The following RAB3C variants were observed in gnomAD, a reference collection of about 807,000 sequenced individuals.
The protein encoded by RAB3C is ras-related protein Rab-3C.
A neutral mutation model predicts 26.4 loss-of-function variants in RAB3C; 17 were observed. The observed-to-expected ratio is 0.64, with a 90% CI of 0.44 to 0.97. RAB3C has a LOEUF of 0.97. Among genes scored for constraint, RAB3C ranks in the 50% least tolerant of loss-of-function variants. RAB3C has a pLI of 0.00. For missense variants in RAB3C, 242 were observed against 281.9 expected, an observed-to-expected ratio of 0.86 and a Z score of 1.01; for synonymous variants, 91 against 95.9, an observed-to-expected ratio of 0.95 and a Z score of 0.30.
intron 2 of RAB3C, among the ~76,000 whole-genome samples, chr5:58,693,353 T>TATATATATATATATATATATATACAC (rs911414778): frequency 4.2e-5 from 6 of 142,266 alleles, no homozygotes; most frequent in African/African-American, 1.6e-4. Flanking sequence ...TATATATATA[T>TATATATATATATATATATATATACAC]ATATATATAA....
intron 2 of RAB3C, among the ~76,000 whole-genome samples, chr5:58,641,111 G>T (rs546030382): frequency 6.6e-6 from 1 of 152,258 alleles, no homozygotes; most frequent in African/African-American, 2.4e-5. Context: ...AATAAGATCT[G>T]GTGTGCTCTG....
intron 1 of RAB3C, among the ~76,000 whole-genome samples, chr5:58,611,786 T>G (rs572413234): frequency 1.3e-5 from 2 of 152,320 alleles, no homozygotes; most frequent in East Asian, 3.9e-4. Flanking sequence ...TTTTGGCATC[T>G]TTTGTCATGA....
chr5:58,583,014 C>T, upstream of RAB3C: 2 of 1,416,236 alleles, frequency 1.4e-6, no homozygotes, highest in African/African-American at 1.4e-5. Flanking sequence ...GACTACAGCT[C>T]CCAGGAGTGC....
chr5:58,813,305 G>A (rs1382661765), intron 3 of RAB3C, among the ~76,000 whole-genome samples: 1 of 152,060 alleles, frequency 6.6e-6, no homozygotes, highest in Non-Finnish European at 1.5e-5. Context: ...TCCCACTAGA[G>A]TGACCAATAT....
chr5:58,823,869 C>T (rs1242100990), intron 3 of RAB3C, among the ~76,000 whole-genome samples: 1 of 114,700 alleles, frequency 8.7e-6, no homozygotes, highest in Non-Finnish European at 1.7e-5. Context: ...AATGCTATCC[C>T]TCCCCCACCC....
rs533953442 is a variant in RAB3C at position 58,830,007 on chromosome 5, T to C, written c.496+4845T>C. 8.2e-4 allele frequency among the ~76,000 whole-genome samples: 125 copies of C among 152,194 alleles called. 1 individual carries two copies. The highest frequency in any genetic ancestry group is 2.7e-3 in the African/African-American group (114 of 41,520). ...TGTGTTTCAGAAATAGACTCAAATA[T>C]TATGAACACGTAAACAGGGCTGAGT... On this transcript the variant is annotated intron_variant, in intron 4 of 4. Transcript: ENST00000282878.
At chr5:58,629,901 G>C (rs1747155647) in intron 2 of RAB3C, among the ~76,000 whole-genome samples, 1 of 152,200 alleles carries the variant, frequency 6.6e-6, no homozygotes, top group Non-Finnish European at 1.5e-5. Context: ...GAGCAGTGTG[G>C]CTTCCCGCAA....
At chr5:58,816,939 TTGG>T (rs1464146278) in intron 3 of RAB3C, 43 of 152,348 alleles carry the variant, frequency 2.8e-4, no homozygotes, top group Admixed American at 2.8e-3. Flanking sequence ...GCTGGGTTCC[TTGG>T]GGCATCTCAT....
chr5:58,823,068 G>T, intron 3 of RAB3C: 1 of 534,472 alleles, frequency 1.9e-6, no homozygotes, highest in East Asian at 4.4e-5. Flanking sequence ...GATTCTGAAA[G>T]CAAGGAATTT....
chr5:58,590,359 A>G (rs2111655624), intron 1 of RAB3C, among the ~76,000 whole-genome samples: 1 of 152,172 alleles, frequency 6.6e-6, no homozygotes, highest in Admixed American at 6.5e-5. Flanking sequence ...CTCTCATGCC[A>G]GTCTTACTAA....
At chr5:58,746,338 C>G (rs1269804143) in intron 3 of RAB3C, among the ~76,000 whole-genome samples, 3 of 152,148 alleles carry the variant, frequency 2.0e-5, no homozygotes, top group African/African-American at 4.8e-5. Context: ...TTCCAAAGAG[C>G]TCTACCAGTA....
chr5:58,640,073 C>T (rs577263963), intron 2 of RAB3C, among the ~76,000 whole-genome samples: 2 of 152,262 alleles, frequency 1.3e-5, no homozygotes, highest in South Asian at 4.1e-4. Context: ...TATAAAAGTG[C>T]AGTCATGCTG....
intron 2 of RAB3C, among the ~76,000 whole-genome samples, chr5:58,708,336 G>A (rs1463280975): frequency 6.6e-6 from 1 of 152,118 alleles, no homozygotes; most frequent in Non-Finnish European, 1.5e-5. Context: ...GGCAAATCTA[G>A]CATTACACCC....
At chr5:58,838,971 A>G (rs910718862) in intron 4 of RAB3C, among the ~76,000 whole-genome samples, 1 of 136,802 alleles carries the variant, frequency 7.3e-6, no homozygotes, top group African/African-American at 2.8e-5. Flanking sequence ...GTCTCTTTTT[A>G]TAGCTTTTGA....
chr5:58,815,631 T>C (rs1288372174), intron 3 of RAB3C: 1 of 152,200 alleles, frequency 6.6e-6, no homozygotes, highest in Non-Finnish European at 1.5e-5. Flanking sequence ...CATAAGATGG[T>C]AATTTATTTT....
intron 3 of RAB3C, chr5:58,794,291 C>T (rs1457447512): frequency 6.9e-6 from 1 of 145,624 alleles, no homozygotes; most frequent in Non-Finnish European, 1.5e-5. Flanking sequence ...GTTCTTCAGA[C>T]AGAATTTACA....
chr5:58,724,758 G>T (rs567795173), intron 2 of RAB3C, among the ~76,000 whole-genome samples: 2 of 151,314 alleles, frequency 1.3e-5, no homozygotes, highest in South Asian at 4.2e-4. Context: ...TTTAAAAGAG[G>T]TAGCAACTTA....
intron 3 of RAB3C, among the ~76,000 whole-genome samples, chr5:58,732,460 GC>G (rs1226036279): frequency 6.6e-6 from 1 of 151,994 alleles, no homozygotes; most frequent in African/African-American, 2.4e-5. Flanking sequence ...GTTAACAATA[GC>G]TTTTATAACT....
At chr5:58,727,251 G>A (rs1005394026) in intron 3 of RAB3C, among the ~76,000 whole-genome samples, 4 of 151,324 alleles carry the variant, frequency 2.6e-5, no homozygotes, top group East Asian at 1.9e-4. Context: ...AATTTTAATT[G>A]TTCATCTAGG....
Sources: gnomAD v4.1 joint callset for allele counts (sites outside exome capture counted in the v4.1 genomes callset) on GRCh38, gnomAD v4.1.1 for gene constraint, MANE v1.5 for transcripts, NCBI Gene and HGNC (gene_info 2026-07-23, HGNC 2026-07-21) for gene names.